The following GRID2 variants were observed in gnomAD, a reference collection of about 807,000 sequenced individuals.
GRID2 encodes the protein glutamate ionotropic receptor delta type subunit 2.
Under a neutral mutation model 114.8 loss-of-function variants are expected in GRID2, and 33 were observed. The ratio of observed to expected loss-of-function variants is 0.29; its 90% CI spans 0.22 to 0.38. The LOEUF is 0.38. Among genes scored for constraint, GRID2 ranks in the 10% least tolerant of loss-of-function variants. The pLI is 1.00. For synonymous variants in GRID2, 505 were observed against 449.9 expected, an observed-to-expected ratio of 1.12 and a Z score of -1.55; for missense variants, 1,184 against 1,257.7, an observed-to-expected ratio of 0.94 and a Z score of 0.89.
At chr4:92,440,427 C>T (rs1168721858) in intron 1 of GRID2, among the ~76,000 whole-genome samples, 2 of 151,646 alleles carry the variant, frequency 1.3e-5, no homozygotes, top group East Asian at 1.9e-4. Context: ...AAGTGTCTAC[C>T]TAGACTAAGA....
At chr4:93,148,646 T>C (rs1003388953) in intron 4 of GRID2, among the ~76,000 whole-genome samples, 1 of 152,164 alleles carries the variant, frequency 6.6e-6, no homozygotes, top group African/African-American at 2.4e-5. Flanking sequence ...AATATGTTTA[T>C]TCACGTAATA....
rs566643011 is a variant in GRID2, at chr4:92,455,348, A to C, written c.89-134783A>C. On this transcript the variant is annotated intron_variant, in intron 1 of 15. Coordinates refer to ENST00000282020, the MANE Select transcript of GRID2 (RefSeq NM_001510.4). ...CTTATATTCCAGGATTCTTATATTC[A>C]GAGAAAATCTTATTTTCTAATACTC... Among the ~76,000 whole-genome samples, 43 of 152,292 alleles carry C rather than the reference A, an allele frequency of 2.8e-4. No homozygotes were observed. The South Asian group carries it at 6.2e-3, about 22-fold the overall frequency.
chr4:92,635,105 A>G (rs1342168569), intron 2 of GRID2, among the ~76,000 whole-genome samples: 3 of 152,112 alleles, frequency 2.0e-5, no homozygotes, highest in African/African-American at 7.2e-5. Context: ...GTCTTGAACT[A>G]CAATATTTGC....
At chr4:92,804,902 T>A (rs1320855781) in intron 2 of GRID2, among the ~76,000 whole-genome samples, 1 of 152,048 alleles carries the variant, frequency 6.6e-6, no homozygotes, top group Non-Finnish European at 1.5e-5. Flanking sequence ...GCATTTAAGA[T>A]GAAAAATTGA....
At chr4:92,500,276 T>C (rs1310463677) in intron 1 of GRID2, among the ~76,000 whole-genome samples, 1 of 152,162 alleles carries the variant, frequency 6.6e-6, no homozygotes, top group Non-Finnish European at 1.5e-5. Flanking sequence ...ATAATTTCTA[T>C]TTTTGTGCTT....
chr4:93,657,637 G>T (rs1578495349), intron 14 of GRID2, among the ~76,000 whole-genome samples: 1 of 151,436 alleles, frequency 6.6e-6, no homozygotes, highest in East Asian at 1.9e-4. Flanking sequence ...AGATGTAGGA[G>T]GAAAAAAAAA....
At chr4:93,394,320 T>G (rs563744191) in intron 8 of GRID2, among the ~76,000 whole-genome samples, 9 of 152,106 alleles carry the variant, frequency 5.9e-5, no homozygotes, top group African/African-American at 2.2e-4. Context: ...CAGTTGAAAC[T>G]AACAATTAGC....
At chr4:93,268,809 CA>C (rs1751125110) in intron 8 of GRID2, among the ~76,000 whole-genome samples, 2 of 152,096 alleles carry the variant, frequency 1.3e-5, no homozygotes, top group Admixed American at 1.3e-4. Context: ...AGCTAAAGCA[CA>C]TCTATCTTCT....
At chr4:93,765,704 A>T (rs1733610932) in intron 14 of GRID2, among the ~76,000 whole-genome samples, 1 of 151,368 alleles carries the variant, frequency 6.6e-6, no homozygotes. Flanking sequence ...AAGAATAAGG[A>T]GACAAAATTA....
chr4:92,895,158 G>T (rs1023376110), intron 2 of GRID2, among the ~76,000 whole-genome samples: 3 of 151,712 alleles, frequency 2.0e-5, no homozygotes, highest in Admixed American at 2.0e-4. Context: ...AAGTCACAAA[G>T]CTGGGACTAT....
chr4:93,701,465 C>A (rs1248373283), intron 14 of GRID2, among the ~76,000 whole-genome samples: 2 of 151,992 alleles, frequency 1.3e-5, no homozygotes, highest in East Asian at 3.9e-4. Context: ...ATTAGTATAT[C>A]CTAGGGAGCC....
intron 2 of GRID2, among the ~76,000 whole-genome samples, chr4:92,829,958 A>G (rs1741987725): frequency 6.6e-6 from 1 of 152,126 alleles, no homozygotes; most frequent in South Asian, 2.1e-4. Context: ...GAGTGAGAGC[A>G]TTAGTAGAGA....
At chr4:93,644,582 C>T (rs1317675196) in intron 14 of GRID2, among the ~76,000 whole-genome samples, 1 of 152,074 alleles carries the variant, frequency 6.6e-6, no homozygotes, top group African/African-American at 2.4e-5. Flanking sequence ...ACCATCGTGG[C>T]CCTTCTAGGG....
At chr4:93,275,996 A>G (rs1180420844) in intron 8 of GRID2, among the ~76,000 whole-genome samples, 1 of 151,856 alleles carries the variant, frequency 6.6e-6, no homozygotes, top group African/African-American at 2.4e-5. Context: ...CTGTGCTTAG[A>G]ACTTTTATTG....
At chr4:92,460,910 A>T (rs1246054556) in intron 1 of GRID2, among the ~76,000 whole-genome samples, 1 of 151,946 alleles carries the variant, frequency 6.6e-6, no homozygotes, top group East Asian at 1.9e-4. Flanking sequence ...TGACATTTTT[A>T]GATCTCTTTA....
At chr4:92,594,953 A>T (rs997360908) in intron 2 of GRID2, among the ~76,000 whole-genome samples, 1 of 152,004 alleles carries the variant, frequency 6.6e-6, no homozygotes, top group African/African-American at 2.4e-5. Flanking sequence ...AAATGTAAGG[A>T]TGGTATATTT....
At chr4:93,218,290 A>C (rs1052970729) in intron 6 of GRID2, among the ~76,000 whole-genome samples, 2 of 151,976 alleles carry the variant, frequency 1.3e-5, no homozygotes, top group African/African-American at 4.8e-5. Flanking sequence ...ACTTGAACCC[A>C]GAAGTTTGAG....
At chr4:93,613,247 T>G (rs1322719200) in intron 13 of GRID2, among the ~76,000 whole-genome samples, 1 of 142,634 alleles carries the variant, frequency 7.0e-6, no homozygotes, top group Non-Finnish European at 1.5e-5. Context: ...CTTCTTTGCC[T>G]TTGGTTTGAA....
At chr4:93,287,144 C>T (rs1044675567) in intron 8 of GRID2, among the ~76,000 whole-genome samples, 2 of 152,034 alleles carry the variant, frequency 1.3e-5, no homozygotes, top group Admixed American at 6.6e-5. Flanking sequence ...GATACTGTAG[C>T]TTAGCCACCA....
Sources: allele counts gnomAD v4.1 joint callset (sites outside exome capture counted in the v4.1 genomes callset), GRCh38; gene constraint gnomAD v4.1.1; transcripts MANE v1.5; gene names NCBI Gene and HGNC (gene_info 2026-07-23, HGNC 2026-07-21).